JCAD: variants seen among roughly 807,000 people sequenced by gnomAD.
JCAD encodes junctional cadherin 5-associated protein.
Under a neutral mutation model 98.0 loss-of-function variants are expected in JCAD, and 40 were observed. The ratio of observed to expected loss-of-function variants is 0.41; its 90% CI spans 0.32 to 0.53. The LOEUF (loss-of-function observed/expected upper bound fraction) is 0.53. Ranked by LOEUF, JCAD falls within the 20% of genes least tolerant of loss-of-function variation. The pLI is 0.31. For missense variants in JCAD, 1,705 were observed against 1,738.1 expected (o/e 0.98, Z 0.34); for synonymous variants, 691 against 682.3 (o/e 1.01, Z -0.20).
intron 1 of JCAD, among the ~76,000 whole-genome samples, chr10:30,099,191 C>G (rs536082478): frequency 6.6e-6 from 1 of 152,196 alleles, no homozygotes; most frequent in Non-Finnish European, 1.5e-5. Flanking sequence ...CCCAACTCAT[C>G]TTACACCTCA....
upstream of JCAD, among the ~76,000 whole-genome samples, chr10:30,063,899 A>G (rs1190820434): frequency 1.3e-5 from 2 of 151,916 alleles, no homozygotes; most frequent in African/African-American, 2.4e-5. Context: ...CCTCCGCGTC[A>G]GGGTTCATGC....
chr10:30,027,221 G>GAAT lies in JCAD; in HGVS notation c.2926_2927insATT (p.Thr976delinsAsnSer). 6.2e-7 allele frequency: 1 copy of GAAT among 1,614,150 alleles called. No homozygotes were observed. The highest frequency in any genetic ancestry group is 2.2e-5 in the East Asian group (1 of 44,884). ...GTCACTTGATCTTGAAGACATTCTCGTCACAGGAAATGGGCTACCTGCCAG... is the reference window on the plus strand; with the variant it reads ...GTCACTTGATCTTGAAGACATTCTCGAATTCACAGGAAATGGGCTACCTGCCAG... On this transcript the variant is annotated protein_altering_variant, in exon 3 of 4. Transcript: ENST00000375377.
upstream of JCAD, among the ~76,000 whole-genome samples, chr10:30,061,272 G>A (rs1252702018): frequency 6.6e-6 from 1 of 152,186 alleles, no homozygotes; most frequent in Non-Finnish European, 1.5e-5. Context: ...GCCGGGCATG[G>A]TGACTCATGC....
rs559239996 is a variant in JCAD at position 30,017,156 on chromosome 10, T to C, written c.*727A>G. On this transcript the variant is annotated 3_prime_UTR_variant, in exon 4 of 4. Transcript: ENST00000375377. Reference sequence around the variant, plus strand: ...CATATAAAGAATTTCTAAATACCCATACAGAAAATAAAAATAGATAATACT... The same window carrying C: ...CATATAAAGAATTTCTAAATACCCACACAGAAAATAAAAATAGATAATACT... 6.6e-6 allele frequency: 1 copy of C among 152,130 alleles called. No homozygotes were observed. 9.4% of individuals were successfully genotyped at this position (152,130 alleles called of 1,614,324 possible). A position where few individuals can be genotyped will look rare whatever the true frequency, so the allele number is the denominator to read the frequency against.
chr10:30,106,052 C>A (rs1201679471), intron 1 of JCAD, among the ~76,000 whole-genome samples: 1 of 152,110 alleles, frequency 6.6e-6, no homozygotes, highest in Non-Finnish European at 1.5e-5. Context: ...AAGACCCCAA[C>A]CAATATTTGT....
intron 2 of JCAD, among the ~76,000 whole-genome samples, chr10:30,069,155 T>C (rs921849098): frequency 1.3e-5 from 2 of 152,166 alleles, no homozygotes; most frequent in Admixed American, 6.5e-5. Flanking sequence ...AGATGAAACA[T>C]GTCTGTTGAA....
At position 30,016,548 on chromosome 10, in the gene JCAD, CTCATAATGCTT is replaced by C. The variant is rs1836539577; in HGVS notation, c.*1324_*1334del. On this transcript the variant is annotated 3_prime_UTR_variant, in exon 4 of 4. Coordinates refer to ENST00000375377, the MANE Select transcript of JCAD (RefSeq NM_020848.4). ...ATTAAACACAGTAGAATACATAGGCCTCATAATGCTTTTGTAATGGCATATATATAATGTCC... is the reference window on the plus strand; with the variant it reads ...ATTAAACACAGTAGAATACATAGGCCTTGTAATGGCATATATATAATGTCC... The C allele has an allele frequency of 6.6e-6, 1 of 151,954 alleles. No homozygotes were observed. Among genetic ancestry groups the C allele is most frequent in the South Asian group, 2.1e-4 (1 of 4,820 alleles). 9.4% of individuals were successfully genotyped at this position (151,954 alleles called of 1,614,324 possible).
At chr10:30,030,401 A>C (rs1375522628) in intron 2 of JCAD, among the ~76,000 whole-genome samples, 1 of 152,118 alleles carries the variant, frequency 6.6e-6, no homozygotes, top group Non-Finnish European at 1.5e-5. Flanking sequence ...TGATTGCGCC[A>C]CTGCACTCCG....
Position 30,017,856 on chromosome 10 carries a change from C to CG in JCAD, c.*26dup. ...CTACTTGAGAATACTCAATTCGCAA[C>CG]GGAATGCAAGCTCCACCGGCATTTC... On this transcript the variant is annotated 3_prime_UTR_variant, in exon 4 of 4. Coordinates refer to ENST00000375377, the MANE Select transcript of JCAD (RefSeq NM_020848.4). The CG allele has an allele frequency of 6.2e-7, 1 of 1,605,110 alleles. No individual in the cohort carries two copies. The highest frequency in any genetic ancestry group is 8.5e-7 in the Non-Finnish European group (1 of 1,171,974).
chr10:30,022,632 CA>C (rs1489345044), intron 3 of JCAD, among the ~76,000 whole-genome samples: 1 of 152,214 alleles, frequency 6.6e-6, no homozygotes, highest in African/African-American at 2.4e-5. Context: ...GAAAGGCCCA[CA>C]GGGGGCCACC....
intron 2 of JCAD, among the ~76,000 whole-genome samples, chr10:30,065,409 G>T (rs2132665085): frequency 6.6e-6 from 1 of 151,704 alleles, no homozygotes; most frequent in South Asian, 2.1e-4. Context: ...CTGCCAAATT[G>T]AAAAAAATCT....
chr10:30,091,637 G>A (rs1369068669), intron 1 of JCAD, among the ~76,000 whole-genome samples: 1 of 150,850 alleles, frequency 6.6e-6, no homozygotes, highest in Non-Finnish European at 1.5e-5. Context: ...AAATAAGACA[G>A]GCAAAATACT....
chr10:30,092,691 C>A (rs1434693890), intron 1 of JCAD, among the ~76,000 whole-genome samples: 1 of 152,246 alleles, frequency 6.6e-6, no homozygotes, highest in East Asian at 1.9e-4. Context: ...GCATTGGGAG[C>A]TTTAACGTTC....
intron 3 of JCAD, among the ~76,000 whole-genome samples, chr10:30,023,667 T>C (rs1836716324): frequency 6.6e-6 from 1 of 152,132 alleles, no homozygotes; most frequent in Non-Finnish European, 1.5e-5. Context: ...TTATTGTATA[T>C]TAGCAAATGC....
intron 1 of JCAD, among the ~76,000 whole-genome samples, chr10:30,111,562 G>A (rs116877135): frequency 5.2e-3 from 797 of 152,248 alleles, no homozygotes; most frequent in Non-Finnish European, 8.5e-3. Context: ...GAGGAGATAC[G>A]TTACATTTTA....
At chr10:30,034,180 G>A (rs1837065264) in intron 2 of JCAD, among the ~76,000 whole-genome samples, 1 of 151,884 alleles carries the variant, frequency 6.6e-6, no homozygotes, top group African/African-American at 2.4e-5. Context: ...CTGAGACCAT[G>A]CCACTGCACT....
rs1837371039 is a variant in JCAD at position 30,047,602 on chromosome 10, T to C, written c.211A>G (p.Ser71Gly). 3 of 1,614,156 alleles carry C rather than the reference T, an allele frequency of 1.9e-6. No individual in the cohort carries two copies. The highest frequency in any genetic ancestry group is 1.6e-4 in the Middle Eastern group (1 of 6,062). Residue 71 changes from serine (S) to glycine (G), a missense_variant, in exon 2 of 4, where the codon AGC becomes GGC. Transcript: ENST00000375377. ...TGGCCTCTCGGTGTGCTGCGGCGGC[T>C]TTCGGAGTCACTCACATGTCCTTTC... ...AGKGHVSDSE[S>G]RRSTPRGHGE...
At chr10:30,067,689 G>A (rs551529719) in intron 2 of JCAD, among the ~76,000 whole-genome samples, 5 of 152,292 alleles carry the variant, frequency 3.3e-5, no homozygotes, top group South Asian at 4.1e-4. Context: ...CTTGACTTAT[G>A]TCCTTCGATG....
intron 1 of JCAD, among the ~76,000 whole-genome samples, chr10:30,100,571 A>C (rs1186000644): frequency 6.6e-6 from 1 of 152,140 alleles, no homozygotes; most frequent in Non-Finnish European, 1.5e-5. Flanking sequence ...TGTAGTACCG[A>C]TGGGGTTTCA....
Sources: gnomAD v4.1 joint callset for allele counts (sites outside exome capture counted in the v4.1 genomes callset) on GRCh38, gnomAD v4.1.1 for gene constraint, MANE v1.5 for transcripts, NCBI Gene and HGNC (gene_info 2026-07-23, HGNC 2026-07-21) for gene names.